Variants in ZNF385C observed in about 807,000 individuals in gnomAD.
ZNF385C encodes the protein CTD-2132N18.2.
Under a neutral mutation model 35.4 loss-of-function variants are expected in ZNF385C, and 28 were observed. The observed-to-expected ratio is 0.79, with a 90% CI of 0.59 to 1.08. ZNF385C has a LOEUF of 1.08. Ranked by LOEUF, ZNF385C falls within the 50% of genes least tolerant of loss-of-function variation. The probability of loss-of-function intolerance (pLI) is 0.00; values close to 1 mark genes in which losing one functional copy is unlikely to be tolerated. For synonymous variants in ZNF385C, 248 were observed against 248.2 expected (o/e 1.00, Z 0.01); for missense variants, 605 against 595.6 (o/e 1.02, Z -0.16).
chr17:42,027,514 G>T, intron 8 of ZNF385C, 104 bp downstream of exon 8: 2 of 967,800 alleles, frequency 2.1e-6, no homozygotes, highest in Non-Finnish European at 3.0e-6. Context: ...CTCATTGCAG[G>T]GTGGCCTCTT....
At chr17:42,035,858 C>T (rs1278452014) in intron 3 of ZNF385C, among the ~76,000 whole-genome samples, 2 of 151,918 alleles carry the variant, frequency 1.3e-5, no homozygotes, top group Non-Finnish European at 2.9e-5. Flanking sequence ...CCAGCCATGA[C>T]GACCTCTCTT....
intron 1 of ZNF385C, among the ~76,000 whole-genome samples, chr17:42,069,022 A>G (rs542346619): frequency 1.3e-5 from 2 of 152,288 alleles, no homozygotes; most frequent in Admixed American, 1.3e-4. Flanking sequence ...AGCAGAGAAA[A>G]AGCGTGTATG....
At chr17:42,080,280 T>A (rs2053734609) in intron 1 of ZNF385C, among the ~76,000 whole-genome samples, 1 of 152,182 alleles carries the variant, frequency 6.6e-6, no homozygotes, top group Admixed American at 6.5e-5. Context: ...CCTTTCCTCT[T>A]ACTTAAAGAG....
At chr17:42,063,160 C>T in intron 1 of ZNF385C, 102 bp from the exon 2 acceptor site, 1 of 530,516 alleles carries the variant, frequency 1.9e-6, no homozygotes, top group Non-Finnish European at 3.3e-6. Flanking sequence ...TCTGTATCCT[C>T]TATATCCCTC....
chr17:42,028,747 C>A, intron 6 of ZNF385C, 36 bp downstream of exon 6: 3 of 1,531,894 alleles, frequency 2.0e-6, no homozygotes, highest in Non-Finnish European at 2.6e-6. Context: ...TTCTGTCCCA[C>A]CCTTTCCCTG....
At chr17:42,097,042 G>C (rs1267202221) in intron 1 of ZNF385C, among the ~76,000 whole-genome samples, 3 of 151,616 alleles carry the variant, frequency 2.0e-5, no homozygotes, top group Non-Finnish European at 2.9e-5. Context: ...CTGCAGATCG[G>C]CTTTGCTGTC....
rs2052586666 is a variant in ZNF385C at position 42,026,771 on chromosome 17, T to C, written c.*126A>G. The stretch of plus-strand genomic sequence containing the variant: ...TGCCCTTAAAACTAGCCCAGCTCTT[T>C]CTGGATCGGGCAGGACCCCTGAAGC... On this transcript the variant is annotated 3_prime_UTR_variant, in exon 9 of 9. Coordinates refer to ENST00000692273, the MANE Select transcript of ZNF385C (RefSeq NM_001392013.1). 2.1e-6 allele frequency: 2 copies of C among 960,218 alleles called. No homozygotes were observed. Among genetic ancestry groups the C allele is most frequent in the African/African-American group, 3.2e-5 (2 of 61,732 alleles). The allele number at this position is 960,218 out of a possible 1,614,324, so 59.5% of individuals were successfully genotyped here.
chr17:42,041,622 T>A (rs971077422), intron 2 of ZNF385C, among the ~76,000 whole-genome samples: 2 of 152,154 alleles, frequency 1.3e-5, no homozygotes, highest in Admixed American at 1.3e-4. Context: ...ATCATCCTAG[T>A]CTGCCCTATT....
chr17:42,087,292 AC>A (rs1387807679), intron 1 of ZNF385C, among the ~76,000 whole-genome samples: 3 of 152,238 alleles, frequency 2.0e-5, no homozygotes, highest in Non-Finnish European at 4.4e-5. Flanking sequence ...GCATATATGC[AC>A]GCTGGGACTA....
chr17:42,097,420 G>T (rs1381297295), intron 1 of ZNF385C, among the ~76,000 whole-genome samples: 1 of 151,668 alleles, frequency 6.6e-6, no homozygotes, highest in Non-Finnish European at 1.5e-5. Context: ...ATGGAATGGG[G>T]AATCTAGACA....
chr17:42,059,913 C>T (rs2053436608), intron 2 of ZNF385C, among the ~76,000 whole-genome samples: 1 of 152,204 alleles, frequency 6.6e-6, no homozygotes, highest in African/African-American at 2.4e-5. Context: ...TGAGCCTCCG[C>T]ACCTGGCCCT....
intron 1 of ZNF385C, among the ~76,000 whole-genome samples, chr17:42,070,076 G>T (rs981725762): frequency 9.2e-5 from 14 of 151,926 alleles, no homozygotes; most frequent in African/African-American, 2.9e-4. Flanking sequence ...AGGGCGCGGT[G>T]GCTCACGCCT....
Position 42,095,879 on chromosome 17 carries a change from G to C in ZNF385C, c.-3+2531C>G, listed in dbSNP as rs1555660909. 6.6e-6 allele frequency among the ~76,000 whole-genome samples: 1 copy of C among 152,138 alleles called. No homozygotes were observed. Among genetic ancestry groups the C allele is most frequent in the Non-Finnish European group, 1.5e-5 (1 of 68,028 alleles). On this transcript the variant is annotated intron_variant, in intron 1 of 8. Coordinates refer to ENST00000692273, the MANE Select transcript of ZNF385C (RefSeq NM_001392013.1). This position sits in a 1 kb window ranked among gnomAD's most constrained non-coding sequence, Gnocchi z 4.4. ...GGAACACTCACAGGGCCTGGGGCAA[G>C]GGGACAAATGGCGGCCCACAGACAT...
intron 2 of ZNF385C, chr17:42,042,736 A>T: frequency 6.6e-6 from 6 of 911,724 alleles, no homozygotes; most frequent in Non-Finnish European, 8.6e-6. Context: ...GAAATGCCCT[A>T]GCTGCTCCCC....
At chr17:42,032,579 T>C (rs1555655095) in intron 4 of ZNF385C, among the ~76,000 whole-genome samples, 1 of 152,236 alleles carries the variant, frequency 6.6e-6, no homozygotes, top group African/African-American at 2.4e-5. Flanking sequence ...TTGGGGTGTA[T>C]GTACCCCAGA....
At chr17:42,038,060 C>T (rs968744221) in intron 2 of ZNF385C, 175 bp from the exon 3 acceptor site, 151 of 1,535,416 alleles carry the variant, frequency 9.8e-5, no homozygotes, top group Non-Finnish European at 1.2e-4. Flanking sequence ...TGCCCTTCCT[C>T]CCCACAGCTG....
At chr17:42,072,540 C>A (rs1350423501) in intron 1 of ZNF385C, among the ~76,000 whole-genome samples, 1 of 151,976 alleles carries the variant, frequency 6.6e-6, no homozygotes, top group Non-Finnish European at 1.5e-5. Context: ...AGTGCGGGCC[C>A]GAGTCCGGCG....
intron 2 of ZNF385C, among the ~76,000 whole-genome samples, chr17:42,053,538 C>T (rs1555657296): frequency 6.6e-6 from 1 of 152,330 alleles, no homozygotes; most frequent in East Asian, 1.9e-4. Flanking sequence ...GAACCTTTGA[C>T]ATGGGCTCCC....
intron 2 of ZNF385C, among the ~76,000 whole-genome samples, chr17:42,059,902 G>A (rs555078255): frequency 2.6e-5 from 4 of 152,288 alleles, no homozygotes; most frequent in East Asian, 1.9e-4. Context: ...GATGACAGGC[G>A]TGAGCCTCCG....
Sources: allele counts gnomAD v4.1 joint callset (sites outside exome capture counted in the v4.1 genomes callset), GRCh38; gene constraint gnomAD v4.1.1; non-coding constraint Gnocchi (gnomAD v3.1); transcripts MANE v1.5; gene names NCBI Gene and HGNC (gene_info 2026-07-23, HGNC 2026-07-21).